SERPINI1: variants seen among roughly 807,000 people sequenced by gnomAD.
SERPINI1 encodes the protein serpin family I member 1, also known as neuroserpin.
In SERPINI1, 19 loss-of-function variants were observed where a neutral mutation model predicts 41.1. The ratio of observed to expected loss-of-function variants is 0.46; its 90% CI spans 0.32 to 0.68. The LOEUF (loss-of-function observed/expected upper bound fraction) is 0.68, where lower values mean the gene tolerates loss of function less well. SERPINI1 is among the 30% of genes least tolerant of loss of function. The pLI is 0.03. For missense variants in SERPINI1, 460 were observed against 479.2 expected, an observed-to-expected ratio of 0.96 and a Z score of 0.37; for synonymous variants, 138 against 156.6, an observed-to-expected ratio of 0.88 and a Z score of 0.89.
chr3:167,822,452 A>T (rs1712366597), intron 6 of SERPINI1, among the ~76,000 whole-genome samples: 1 of 152,226 alleles, frequency 6.6e-6, no homozygotes. Context: ...GAATCCTCAG[A>T]TAAACCAATT....
intron 1 of SERPINI1, among the ~76,000 whole-genome samples, chr3:167,757,381 T>C (rs1033992621): frequency 1.3e-5 from 2 of 152,212 alleles, no homozygotes; most frequent in Non-Finnish European, 2.9e-5. Flanking sequence ...AGTAAAGGAA[T>C]TAATATGATC....
chr3:167,749,378 C>G (rs747601157), intron 1 of SERPINI1, among the ~76,000 whole-genome samples: 2 of 151,346 alleles, frequency 1.3e-5, no homozygotes, highest in Admixed American at 6.6e-5. Context: ...ACATAATGTT[C>G]AGCTAGCTGC....
chr3:167,753,134 C>T (rs562252619), intron 1 of SERPINI1, among the ~76,000 whole-genome samples: 1 of 151,990 alleles, frequency 6.6e-6, no homozygotes, highest in African/African-American at 2.4e-5. Flanking sequence ...AAAGTATAGT[C>T]TATATTGGAT....
At chr3:167,817,568 T>G (rs1712144300) in intron 6 of SERPINI1, among the ~76,000 whole-genome samples, 1 of 151,938 alleles carries the variant, frequency 6.6e-6, no homozygotes, top group South Asian at 2.1e-4. Context: ...TTTTTTTCCT[T>G]GACTCAATTT....
At chr3:167,744,485 AAG>A (rs1282372613) in intron 1 of SERPINI1, among the ~76,000 whole-genome samples, 3 of 150,694 alleles carry the variant, frequency 2.0e-5, no homozygotes, top group Admixed American at 6.7e-5. Flanking sequence ...AGAAATTTAG[AAG>A]AGTTGCACAG....
chr3:167,811,564 G>A (rs1711884671), intron 6 of SERPINI1, among the ~76,000 whole-genome samples: 1 of 152,120 alleles, frequency 6.6e-6, no homozygotes, highest in South Asian at 2.1e-4. Context: ...CTTAGAAAGT[G>A]ATAACGGCAG....
intron 6 of SERPINI1, among the ~76,000 whole-genome samples, chr3:167,818,102 C>T (rs1393868222): frequency 2.0e-5 from 3 of 151,734 alleles, no homozygotes; most frequent in Non-Finnish European, 2.9e-5. Context: ...CTCGGCTCAC[C>T]GCAACCTCTG....
At chr3:167,737,429 G>A (rs541544121) in intron 1 of SERPINI1, among the ~76,000 whole-genome samples, 99 of 152,152 alleles carry the variant, frequency 6.5e-4, no homozygotes, top group African/African-American at 2.2e-3. Flanking sequence ...CAGCACTGGA[G>A]AATCTATTAA....
At chr3:167,779,784 C>T (rs1727064684) in intron 1 of SERPINI1, among the ~76,000 whole-genome samples, 1 of 152,008 alleles carries the variant, frequency 6.6e-6, no homozygotes, top group African/African-American at 2.4e-5. Flanking sequence ...AGGAGCTCTC[C>T]CTTTTGTTTG....
intron 1 of SERPINI1, among the ~76,000 whole-genome samples, chr3:167,768,740 TGAATA>T (rs1191582894): frequency 2.6e-5 from 4 of 152,210 alleles, no homozygotes; most frequent in African/African-American, 9.7e-5. Context: ...AAGATCCTAC[TGAATA>T]GAATAGGTTA....
intron 1 of SERPINI1, among the ~76,000 whole-genome samples, chr3:167,765,372 C>G (rs1726528338): frequency 6.6e-6 from 1 of 152,242 alleles, no homozygotes; most frequent in African/African-American, 2.4e-5. Context: ...GCTGCCAAGG[C>G]TTGAAGCTTG....
At chr3:167,795,047 C>A (rs1323181325) in intron 5 of SERPINI1, among the ~76,000 whole-genome samples, 2 of 151,854 alleles carry the variant, frequency 1.3e-5, no homozygotes, top group African/African-American at 4.8e-5. Flanking sequence ...TGGTCCTTCC[C>A]GTAGACACAT....
At chr3:167,793,213 T>C (rs752338707) in intron 4 of SERPINI1, among the ~76,000 whole-genome samples, 18 of 152,310 alleles carry the variant, frequency 1.2e-4, no homozygotes, top group Non-Finnish European at 2.5e-4. Context: ...TGTGTATGTA[T>C]GGCCAAACAT....
intron 1 of SERPINI1, among the ~76,000 whole-genome samples, chr3:167,772,261 G>C (rs1726781774): frequency 6.6e-6 from 1 of 152,108 alleles, no homozygotes; most frequent in South Asian, 2.1e-4. Flanking sequence ...TATTTTATGG[G>C]AGGAACTTCT....
intron 4 of SERPINI1, among the ~76,000 whole-genome samples, chr3:167,793,828 G>A (rs1431944241): frequency 1.6e-5 from 2 of 125,942 alleles, no homozygotes; most frequent in African/African-American, 6.4e-5. Flanking sequence ...AGTTCATTTT[G>A]GCCATATGTA....
At chr3:167,740,692 T>C (rs1359058648) in intron 1 of SERPINI1, among the ~76,000 whole-genome samples, 2 of 152,238 alleles carry the variant, frequency 1.3e-5, no homozygotes, top group African/African-American at 4.8e-5. Context: ...AATTTTGTTA[T>C]TAACTGCAAA....
intron 3 of SERPINI1, 138 bp downstream of exon 3, chr3:167,790,740 T>C (rs1230583838): frequency 7.4e-6 from 5 of 677,948 alleles, no homozygotes; most frequent in Non-Finnish European, 1.3e-5. Context: ...TTATTTTGTA[T>C]AGATTATGGC....
intron 5 of SERPINI1, among the ~76,000 whole-genome samples, chr3:167,801,822 T>C (rs1056332456): frequency 2.0e-5 from 3 of 152,174 alleles, no homozygotes; most frequent in African/African-American, 7.2e-5. Flanking sequence ...AGTCAAGGAA[T>C]GGACAACTAG....
intron 1 of SERPINI1, among the ~76,000 whole-genome samples, chr3:167,740,822 A>C (rs1311761461): frequency 6.7e-6 from 1 of 149,438 alleles, no homozygotes; most frequent in Non-Finnish European, 1.5e-5. Flanking sequence ...TGCCTCTAGA[A>C]CTCTGCTGAT....
Sources: allele counts gnomAD v4.1 joint callset (sites outside exome capture counted in the v4.1 genomes callset), GRCh38; gene constraint gnomAD v4.1.1; transcripts MANE v1.5; gene names NCBI Gene and HGNC (gene_info 2026-07-23, HGNC 2026-07-21).